The following GPR39 variants were observed in gnomAD, a reference collection of about 807,000 sequenced individuals.
GPR39 encodes G protein-coupled receptor 39, also known as zinc sensing receptor.
In GPR39, 23 loss-of-function variants were observed where a neutral mutation model predicts 18.4. The observed-to-expected ratio is 1.25, with a 90% CI of 0.90 to 1.77. The LOEUF (loss-of-function observed/expected upper bound fraction) is 1.77, where lower values mean the gene tolerates loss of function less well. Ranked by LOEUF, GPR39 falls within the 40% of genes most tolerant of loss-of-function variation. The pLI, the probability that GPR39 is intolerant of heterozygous loss-of-function variation, is 0.00. For synonymous variants in GPR39, 280 were observed against 257.9 expected (o/e 1.09, Z -0.82); for missense variants, 647 against 602.4 (o/e 1.07, Z -0.78).
At chr2:132,420,585 A>G (rs1679991316) in intron 1 of GPR39, among the ~76,000 whole-genome samples, 1 of 152,216 alleles carries the variant, frequency 6.6e-6, no homozygotes. Context: ...GCTTATTTCA[A>G]ACATTTTAAA....
chr2:132,485,418 C>T (rs1011722184), intron 1 of GPR39, among the ~76,000 whole-genome samples: 1 of 152,178 alleles, frequency 6.6e-6, no homozygotes, highest in Non-Finnish European at 1.5e-5. Flanking sequence ...CTTCGACTGA[C>T]TCTTCTTCAA....
intron 1 of GPR39, among the ~76,000 whole-genome samples, chr2:132,508,792 C>T (rs1679182436): frequency 6.6e-6 from 1 of 152,164 alleles, no homozygotes; most frequent in Non-Finnish European, 1.5e-5. Flanking sequence ...CAGACAGAGA[C>T]ATTGGTGAAG....
rs1341271689 is a variant in GPR39 at position 132,646,223 on chromosome 2, C to G, written c.*617C>G. ...CCCTGGGGAGCAGAAGGACTGGTAC[C>G]CGGCAGAGGCGATGAGACAGGCCGC... On this transcript the variant is annotated 3_prime_UTR_variant, in exon 2 of 2. Coordinates refer to ENST00000329321, the MANE Select transcript of GPR39 (RefSeq NM_001508.3). 6 of 1,596,274 alleles carry G rather than the reference C, an allele frequency of 3.8e-6. No individual in the cohort carries two copies. Among genetic ancestry groups the G allele is most frequent in the Non-Finnish European group, 4.3e-6 (5 of 1,169,706 alleles).
At chr2:132,584,436 T>A (rs1010790162) in intron 1 of GPR39, among the ~76,000 whole-genome samples, 1 of 152,126 alleles carries the variant, frequency 6.6e-6, no homozygotes, top group African/African-American at 2.4e-5. Flanking sequence ...AGGAAGCTTC[T>A]GAAGCCAGAA....
chr2:132,529,948 C>T (rs1344425516), intron 1 of GPR39, among the ~76,000 whole-genome samples: 6 of 152,202 alleles, frequency 3.9e-5, no homozygotes, highest in Non-Finnish European at 7.3e-5. Context: ...CAGAGCGCCT[C>T]TCCTCCTCCA....
chr2:132,500,532 G>A (rs1679006995), intron 1 of GPR39, among the ~76,000 whole-genome samples: 1 of 152,076 alleles, frequency 6.6e-6, no homozygotes, highest in Admixed American at 6.5e-5. Flanking sequence ...ATATTGGTCT[G>A]TATTTTTCTC....
chr2:132,608,463 G>GT (rs1409585327), intron 1 of GPR39, among the ~76,000 whole-genome samples: 2 of 152,192 alleles, frequency 1.3e-5, no homozygotes, highest in Non-Finnish European at 2.9e-5. Context: ...GAAGGTCTCA[G>GT]TCCCACTGTT....
intron 1 of GPR39, among the ~76,000 whole-genome samples, chr2:132,490,175 G>C (rs1681429539): frequency 6.6e-6 from 1 of 151,968 alleles, no homozygotes; most frequent in South Asian, 2.1e-4. Flanking sequence ...GGAGAGGAGA[G>C]AGAGAAATAG....
intron 1 of GPR39, among the ~76,000 whole-genome samples, chr2:132,456,935 GTGAA>G (rs1680739220): frequency 6.6e-6 from 1 of 152,108 alleles, no homozygotes; most frequent in Admixed American, 6.5e-5. Flanking sequence ...TTCAACCTTA[GTGAA>G]TCTGACAATT....
At chr2:132,464,355 G>A (rs918805347) in intron 1 of GPR39, among the ~76,000 whole-genome samples, 2 of 151,568 alleles carry the variant, frequency 1.3e-5, no homozygotes, top group African/African-American at 4.8e-5. Flanking sequence ...GTGCAGGATT[G>A]GCCTATGACG....
rs530196423 is a variant in GPR39, at chr2:132,645,395, G to A, written c.1151G>A (p.Ser384Asn). The change falls in exon 2 of 2, where the codon AGC becomes AAC. Residue 384 changes from serine (S) to asparagine (N), a missense_variant. Physicochemically the swap from Ser to Asn is conservative, Grantham distance 46. Transcript: ENST00000329321. ...LRVHAHSTTD[S>N]ARFVQRPLLF... ...GTACATGCGCACTCCACCACCGACA[G>A]CGCCCGCTTTGTGCAGCGCCCGTTG... The A allele has an allele frequency of 6.2e-7, 1 of 1,613,716 alleles. No individual in the cohort carries two copies. The highest frequency in any genetic ancestry group is 1.1e-5 in the South Asian group (1 of 91,062).
intron 1 of GPR39, among the ~76,000 whole-genome samples, chr2:132,545,604 T>A (rs1248154187): frequency 6.6e-6 from 1 of 152,044 alleles, no homozygotes; most frequent in Non-Finnish European, 1.5e-5. Flanking sequence ...CAGAGTTGAA[T>A]AACAGTCAGA....
chr2:132,457,421 G>A (rs896637463), intron 1 of GPR39, among the ~76,000 whole-genome samples: 6 of 152,104 alleles, frequency 3.9e-5, no homozygotes, highest in South Asian at 2.1e-4. Flanking sequence ...CGATGGGTTC[G>A]AATGTCCTCC....
intron 1 of GPR39, among the ~76,000 whole-genome samples, chr2:132,444,403 A>G (rs56341929): frequency 0.19 from 28,718 of 151,916 alleles, 3,606 homozygotes; most frequent in East Asian, 0.65. Flanking sequence ...CCGTCTTCCC[A>G]CCTCAGTCTC....
Position 132,645,397 on chromosome 2 carries a change from GC to G in GPR39, c.1156del (p.Arg386AlafsTer25). On this transcript the variant is annotated frameshift_variant, in exon 2 of 2. Coordinates refer to ENST00000329321, the MANE Select transcript of GPR39 (RefSeq NM_001508.3). LOFTEE classifies it low-confidence loss of function (END_TRUNC). ...RVHAHSTTDS[A>X]RFVQRPLLFA... is the part of the protein sequence containing the mutation. ...ACATGCGCACTCCACCACCGACAGCGCCCGCTTTGTGCAGCGCCCGTTGCTC... is the reference window on the plus strand; with the variant it reads ...ACATGCGCACTCCACCACCGACAGCGCCGCTTTGTGCAGCGCCCGTTGCTC... The G allele has an allele frequency of 3.7e-6, 6 of 1,613,622 alleles. No homozygotes were observed. The highest frequency in any genetic ancestry group is 5.1e-6 in the Non-Finnish European group (6 of 1,180,008).
In GPR39 at chr2:132,645,813, C is replaced by CT. The variant is rs1351856764; in HGVS notation, c.*210dup. 3 of 715,578 alleles carry CT rather than the reference C, an allele frequency of 4.2e-6. No individual in the cohort carries two copies. The highest frequency in any genetic ancestry group is 6.7e-6 in the Non-Finnish European group (3 of 446,098). 44.3% of individuals were successfully genotyped at this position (715,578 alleles called of 1,614,324 possible). A position where few individuals can be genotyped will look rare whatever the true frequency, so the allele number is the denominator to read the frequency against. On this transcript the variant is annotated 3_prime_UTR_variant, in exon 2 of 2. Transcript: ENST00000329321. ...CCGGTTACACAGACATGGGGGTGAACTTTCACTCCACCTCCTTCCTTCAAG... is the reference window on the plus strand; with the variant it reads ...CCGGTTACACAGACATGGGGGTGAACTTTTCACTCCACCTCCTTCCTTCAAG...
chr2:132,423,462 A>C (rs1013322118), intron 1 of GPR39, among the ~76,000 whole-genome samples: 1 of 152,188 alleles, frequency 6.6e-6, no homozygotes, highest in Non-Finnish European at 1.5e-5. Context: ...CAGGGGACAC[A>C]GTTCAGTTTA....
chr2:132,634,950 A>C (rs1028712303), intron 1 of GPR39, among the ~76,000 whole-genome samples: 2 of 152,220 alleles, frequency 1.3e-5, no homozygotes, highest in Admixed American at 6.5e-5. Flanking sequence ...AATCAGTAGC[A>C]AAGGGGGCTT....
At chr2:132,515,577 A>C (rs1679318593) in intron 1 of GPR39, among the ~76,000 whole-genome samples, 1 of 152,218 alleles carries the variant, frequency 6.6e-6, no homozygotes, top group Non-Finnish European at 1.5e-5. Context: ...GAAATTGAGA[A>C]GATCACAGAA....
Sources: allele counts gnomAD v4.1 joint callset (sites outside exome capture counted in the v4.1 genomes callset), GRCh38; gene constraint gnomAD v4.1.1; transcripts MANE v1.5; gene names NCBI Gene and HGNC (gene_info 2026-07-23, HGNC 2026-07-21).